ZNF107: variants seen among roughly 807,000 people sequenced by gnomAD.
The protein encoded by ZNF107 is zinc finger protein 107.
ZNF107 carries 19 observed loss-of-function variants against 12.3 expected under a neutral mutation model. The observed-to-expected ratio is 1.55, with a 90% CI of 1.08 to 2.27. The LOEUF (loss-of-function observed/expected upper bound fraction) is 2.27, where lower values mean the gene tolerates loss of function less well. Among genes scored for constraint, ZNF107 ranks in the 30% most tolerant of loss-of-function variants. The pLI is 0.00. For synonymous variants in ZNF107, 317 were observed against 330.5 expected (o/e 0.96, Z 0.44); for missense variants, 958 against 979.9 (o/e 0.98, Z 0.30).
Position 64,706,120 on chromosome 7 carries a change from C to G in ZNF107, c.227-204C>G, listed in dbSNP as rs969023757. Among the ~76,000 whole-genome samples the G allele has an allele frequency of 3.3e-5, 5 of 152,148 alleles. No homozygotes were observed. In the South Asian group the frequency reaches 1.0e-3, roughly 32 times the overall value. On this transcript the variant is annotated intron_variant, in intron 3 of 3. Coordinates refer to ENST00000620827, the MANE Select transcript of ZNF107 (RefSeq NM_001282359.2). ...GTGCTCACCTAGGGCACTGCACACACTGAACTCATTTATAAATTTTCCACA... is the reference window on the plus strand; with the variant it reads ...GTGCTCACCTAGGGCACTGCACACAGTGAACTCATTTATAAATTTTCCACA...
At chr7:64,671,300 C>T (rs1789212416) in intron 1 of ZNF107, among the ~76,000 whole-genome samples, 1 of 152,164 alleles carries the variant, frequency 6.6e-6, no homozygotes, top group African/African-American at 2.4e-5. Context: ...CACTCACAAA[C>T]ATACCCATTA....
chr7:64,688,588 T>A (rs143537621), intron 1 of ZNF107, among the ~76,000 whole-genome samples: 1 of 152,122 alleles, frequency 6.6e-6, no homozygotes, highest in Non-Finnish European at 1.5e-5. Flanking sequence ...TACCCACAAA[T>A]GTGTGGATGA....
Position 64,666,177 on chromosome 7 carries a change from C to G in ZNF107, c.-106C>G. 6.8e-7 allele frequency: 1 copy of G among 1,477,730 alleles called. No homozygotes were observed. The highest frequency in any genetic ancestry group is 9.3e-7 in the Non-Finnish European group (1 of 1,069,894). The allele number at this position is 1,477,730 out of a possible 1,614,324, so 91.5% of individuals were successfully genotyped here. On this transcript the variant is annotated 5_prime_UTR_variant, in exon 1 of 4. Coordinates refer to ENST00000620827, the MANE Select transcript of ZNF107 (RefSeq NM_001282359.2). The stretch of plus-strand genomic sequence containing the variant: ...GCCGGAGCTCCTGCTCTCCTCCTCA[C>G]TGCTCAGTGTCCTCTGCTCCTAGAG...
chr7:64,699,900 C>G (rs1209360667), intron 3 of ZNF107, among the ~76,000 whole-genome samples: 1 of 151,952 alleles, frequency 6.6e-6, no homozygotes, highest in African/African-American at 2.4e-5. Flanking sequence ...AATCCCGTCT[C>G]TACTAAAAAT....
intron 3 of ZNF107, among the ~76,000 whole-genome samples, chr7:64,696,819 A>ATTTT (rs1242123357): frequency 6.6e-6 from 1 of 151,706 alleles, no homozygotes; most frequent in Non-Finnish European, 1.5e-5. Flanking sequence ...TTATTTATTT[A>ATTTT]TTTTTTATTT....
At chr7:64,673,903 C>G (rs1432950461) in intron 1 of ZNF107, among the ~76,000 whole-genome samples, 1 of 152,058 alleles carries the variant, frequency 6.6e-6, no homozygotes, top group Non-Finnish European at 1.5e-5. Flanking sequence ...TTTCTGGGCT[C>G]TATTGTGTTG....
intron 3 of ZNF107, among the ~76,000 whole-genome samples, chr7:64,697,602 G>A (rs974367087): frequency 6.6e-6 from 1 of 151,956 alleles, no homozygotes; most frequent in Non-Finnish European, 1.5e-5. Context: ...TGTCTTTCAG[G>A]TCCTGTTTTG....
At chr7:64,697,136 A>T (rs556945458) in intron 3 of ZNF107, among the ~76,000 whole-genome samples, 30 of 152,316 alleles carry the variant, frequency 2.0e-4, no homozygotes, top group Middle Eastern at 3.4e-3. Context: ...GTCCCTACAA[A>T]GGACATGAAC....
chr7:64,689,144 G>A (rs1447187740), intron 1 of ZNF107, among the ~76,000 whole-genome samples: 1 of 152,082 alleles, frequency 6.6e-6, no homozygotes, highest in Non-Finnish European at 1.5e-5. Context: ...TTTAGAATGT[G>A]CTAGAGCAGC....
At chr7:64,687,455 A>G (rs904884295) in intron 1 of ZNF107, 4 of 985,282 alleles carry the variant, frequency 4.1e-6, no homozygotes, top group African/African-American at 3.5e-5. Flanking sequence ...GGGGTTATAT[A>G]TAGGGTGCCA....
chr7:64,708,414 T>C lies in ZNF107; in HGVS notation c.2317T>C (p.Ser773Pro), dbSNP rs1584494888. 1 of 1,604,116 alleles carries C rather than the reference T, an allele frequency of 6.2e-7. No individual in the cohort carries two copies. The highest frequency in any genetic ancestry group is 1.3e-5 in the African/African-American group (1 of 74,794). Residue 773 changes from serine to proline, a missense_variant, in exon 4 of 4, where the codon TCC becomes CCC. By Grantham distance (74) the Ser-to-Pro change is moderately conservative. Transcript: ENST00000620827. ...CEECGKAFNQ[S>P]SNLTTHKKIH... ...AGAATGTGGCAAAGCTTTTAACCAATCCTCAAACCTTACTACACATAAGAA... is the reference window on the plus strand; with the variant it reads ...AGAATGTGGCAAAGCTTTTAACCAACCCTCAAACCTTACTACACATAAGAA...
At chr7:64,668,094 T>C (rs1373196105) in intron 1 of ZNF107, among the ~76,000 whole-genome samples, 1 of 151,818 alleles carries the variant, frequency 6.6e-6, no homozygotes, top group Admixed American at 6.6e-5. Context: ...CAGGATGGGG[T>C]AGGAGAATCT....
Position 64,707,176 on chromosome 7 carries a change from A to G in ZNF107, c.1079A>G (p.Glu360Gly), listed in dbSNP as rs1165240044. Residue 360 changes from glutamate to glycine, a missense_variant, in exon 4 of 4, where the codon GAG (glutamate) becomes GGG (glycine). Glu to Gly is a moderately conservative substitution (Grantham distance 98). Transcript: ENST00000620827. ...ATATCCTCAAACCTTAATAAACAGG[A>G]GAAAATTCATACTGGAGGGAAACTC... is the stretch of plus-strand genomic sequence containing the variant. ...FNISSNLNKQ[E>G]KIHTGGKLNK... is the part of the protein sequence containing the mutation. 2 of 1,613,664 alleles carry G rather than the reference A, an allele frequency of 1.2e-6. No individual in the cohort carries two copies. The highest frequency in any genetic ancestry group is 1.7e-6 in the Non-Finnish European group (2 of 1,179,824).
chr7:64,707,954 A>G lies in ZNF107; in HGVS notation c.1857A>G (p.Lys619=). ...TIHKIIHTGE[K]PYKCEEHGKV... ...ATAAAATTATTCATACTGGAGAGAA[A>G]CCCTACAAATGTGAAGAACATGGCA... The change falls in exon 4 of 4, where the codon AAA becomes AAG. Residue 619 remains lysine, a synonymous_variant. Transcript: ENST00000620827. The G allele has an allele frequency of 1.2e-6, 2 of 1,613,586 alleles. No individual in the cohort carries two copies. Among genetic ancestry groups the G allele is most frequent in the Non-Finnish European group, 1.7e-6 (2 of 1,179,744 alleles).
rs1345842784 is a variant in ZNF107, at chr7:64,710,022, G to C, written c.*1366G>C. On this transcript the variant is annotated 3_prime_UTR_variant, in exon 4 of 4. Coordinates refer to ENST00000620827, the MANE Select transcript of ZNF107 (RefSeq NM_001282359.2). ...AGGCCCCTGTAATCCCAGCTAATTGGGAGGCTGAAGCAGGAGAATTGCTCA... is the reference window on the plus strand; with the variant it reads ...AGGCCCCTGTAATCCCAGCTAATTGCGAGGCTGAAGCAGGAGAATTGCTCA... 1 of 224,250 alleles carries C rather than the reference G, an allele frequency of 4.5e-6. No homozygotes were observed. Among genetic ancestry groups the C allele is most frequent in the Non-Finnish European group, 8.8e-6 (1 of 113,264 alleles). The allele number at this position is 224,250 out of a possible 1,614,324, so 13.9% of individuals were successfully genotyped here.
chr7:64,688,923 TGA>T (rs1339165714), intron 1 of ZNF107, among the ~76,000 whole-genome samples: 2 of 152,108 alleles, frequency 1.3e-5, no homozygotes, highest in African/African-American at 4.8e-5. Context: ...TGTAAACAAA[TGA>T]GAGTTTCTGA....
At chr7:64,670,354 T>C (rs1349758827) in intron 1 of ZNF107, among the ~76,000 whole-genome samples, 1 of 151,550 alleles carries the variant, frequency 6.6e-6, no homozygotes, top group African/African-American at 2.4e-5. Flanking sequence ...GTGAAAAAAA[T>C]CAAATACTAG....
rs1227886077 is a variant in ZNF107 at position 64,710,823 on chromosome 7, T to C, written c.*2167T>C. On this transcript the variant is annotated 3_prime_UTR_variant, in exon 4 of 4. Coordinates refer to ENST00000620827, the MANE Select transcript of ZNF107 (RefSeq NM_001282359.2). Reference sequence around the variant, plus strand: ...AGAATAAGGACATTAAAATGTAAGATGCATGATGAAAACCTGAGTGAAGAG... The same window carrying C: ...AGAATAAGGACATTAAAATGTAAGACGCATGATGAAAACCTGAGTGAAGAG... The C allele has an allele frequency of 6.6e-6, 1 of 152,170 alleles. No homozygotes were observed. The highest frequency in any genetic ancestry group is 2.4e-5 in the African/African-American group (1 of 41,456). The allele number at this position is 152,170 out of a possible 1,614,324, so 9.4% of individuals were successfully genotyped here.
intron 1 of ZNF107, among the ~76,000 whole-genome samples, chr7:64,666,673 G>A (rs1181949111): frequency 6.6e-6 from 1 of 152,178 alleles, no homozygotes; most frequent in South Asian, 2.1e-4. Flanking sequence ...AATGGGAAAA[G>A]CTTTAGTCTG....
Sources: gnomAD v4.1 joint callset for allele counts (sites outside exome capture counted in the v4.1 genomes callset) on GRCh38, gnomAD v4.1.1 for gene constraint, MANE v1.5 for transcripts, NCBI Gene and HGNC (gene_info 2026-07-23, HGNC 2026-07-21) for gene names.